DGKA: variants seen among roughly 807,000 people sequenced by gnomAD.
The protein encoded by DGKA is diacylglycerol kinase alpha, also known as 80 kDa diacylglycerol kinase.
Under a neutral mutation model 105.0 loss-of-function variants are expected in DGKA, and 35 were observed. That is an observed-to-expected ratio of 0.33 (90% CI 0.25 to 0.44). The LOEUF is 0.44. Ranked by LOEUF, DGKA falls within the 20% of genes least tolerant of loss-of-function variation. DGKA has a pLI of 1.00. For missense variants in DGKA, 665 were observed against 915.0 expected (o/e 0.73, Z 3.53); for synonymous variants, 296 against 332.0 (o/e 0.89, Z 1.18).
intron 17 of DGKA, 38 bp from the exon 18 acceptor site, chr12:55,951,585 C>G: frequency 6.3e-7 from 1 of 1,595,446 alleles, no homozygotes; most frequent in Non-Finnish European, 8.5e-7. Flanking sequence ...CTCTCTGGGA[C>G]CCAGAGCTCA....
Position 55,953,887 on chromosome 12 carries a change from C to T in DGKA, c.*119C>T. On this transcript the variant is annotated 3_prime_UTR_variant, in exon 24 of 24. Coordinates refer to ENST00000331886, the MANE Select transcript of DGKA (RefSeq NM_001345.5). ...CTGCCAGCTTGGGGGAGTGTTCCTT[C>T]ACCCTCACAGTATTTATTATCCTGC... 1.2e-6 allele frequency: 1 copy of T among 858,488 alleles called. No individual in the cohort carries two copies. The highest frequency in any genetic ancestry group is 1.9e-6 in the Non-Finnish European group (1 of 532,984). 53.2% of individuals were successfully genotyped at this position (858,488 alleles called of 1,614,324 possible).
chr12:55,929,385 G>C (rs1883265700), upstream of DGKA: 1 of 152,224 alleles, frequency 6.6e-6, no homozygotes, highest in Admixed American at 6.5e-5. Flanking sequence ...AGCTTTCAGA[G>C]GCTGCTCAAT....
At chr12:55,938,850 G>A (rs1885309747) in intron 6 of DGKA, 65 bp from the exon 7 acceptor site, 1 of 1,602,356 alleles carries the variant, frequency 6.2e-7, no homozygotes, top group Non-Finnish European at 8.5e-7. Context: ...ACTGATTTCT[G>A]GAAAAGAGTT....
chr12:55,927,749 C>G (rs1266637800), upstream of DGKA: 9 of 1,539,490 alleles, frequency 5.8e-6, no homozygotes, highest in Admixed American at 9.8e-5. Flanking sequence ...GCAGGGCTGC[C>G]GGCAGCTTCC....
Position 55,952,935 on chromosome 12 carries a change from G to A in DGKA, c.1942+3G>A, listed in dbSNP as rs1592754667. 6.2e-7 allele frequency: 1 copy of A among 1,614,178 alleles called. No individual in the cohort carries two copies. The highest frequency in any genetic ancestry group is 8.5e-7 in the Non-Finnish European group (1 of 1,180,030). ...TATCCTGAAAACCTGTGTACCAGGT[G>A]AGAGGAGCAGCCTTGGGAGCTGAGT... On this transcript the variant is annotated splice_donor_region_variant and intron_variant, in intron 21 of 23. Coordinates refer to ENST00000331886, the MANE Select transcript of DGKA (RefSeq NM_001345.5). The surrounding 1 kb of genome is among the most constrained non-coding windows in gnomAD (Gnocchi z 5.1).
upstream of DGKA, chr12:55,927,858 C>A: frequency 1.4e-6 from 2 of 1,461,414 alleles, no homozygotes; most frequent in Non-Finnish European, 1.8e-6. Flanking sequence ...TGATGAGGGC[C>A]CTAGTTGCTT....
chr12:55,948,838 A>T (rs909020063), intron 17 of DGKA, among the ~76,000 whole-genome samples: 1 of 152,204 alleles, frequency 6.6e-6, no homozygotes, highest in African/African-American at 2.4e-5. Context: ...CCTGGCTAAC[A>T]TGGTGAAACC....
chr12:55,932,295 G>A lies in DGKA; in HGVS notation c.-82+951G>A. On this transcript the variant is annotated intron_variant, in intron 1 of 23. Transcript: ENST00000331886. This position sits in a 1 kb window ranked among gnomAD's most constrained non-coding sequence, Gnocchi z 4.3. Reference sequence around the variant, plus strand: ...CTGCGCTGGGACGCGGGGGTGCAGCGGGAGGGCTGGGCCCGAACCCGGTGG... The same window carrying A: ...CTGCGCTGGGACGCGGGGGTGCAGCAGGAGGGCTGGGCCCGAACCCGGTGG... The A allele has an allele frequency of 1.9e-6, 1 of 536,686 alleles. No homozygotes were observed. Among genetic ancestry groups the A allele is most frequent in the Admixed American group, 3.2e-5 (1 of 31,146 alleles). 33.2% of individuals were successfully genotyped at this position (536,686 alleles called of 1,614,324 possible).
At chr12:55,939,671 T>A in intron 9 of DGKA, 142 bp downstream of exon 9, 2 of 753,294 alleles carry the variant, frequency 2.7e-6, no homozygotes, top group Non-Finnish European at 2.2e-6. Flanking sequence ...GAAAGCCACA[T>A]CACTTCTTTA....
At chr12:55,938,311 T>C (rs1232862868) in intron 5 of DGKA, 200 bp from the exon 6 acceptor site, 2 of 733,508 alleles carry the variant, frequency 2.7e-6, no homozygotes, top group East Asian at 5.2e-5. Context: ...GATTATGTAT[T>C]GTCTCCCCTG....
intron 6 of DGKA, 38 bp from the exon 7 acceptor site, chr12:55,938,877 A>C: frequency 6.2e-7 from 1 of 1,612,484 alleles, no homozygotes; most frequent in Non-Finnish European, 8.5e-7. Context: ...GTGGTAGTAA[A>C]GGGGATATGG....
chr12:55,934,250 C>A (rs542427367), intron 1 of DGKA, among the ~76,000 whole-genome samples: 1 of 152,292 alleles, frequency 6.6e-6, no homozygotes, highest in South Asian at 2.1e-4. Flanking sequence ...CCCTCAGATT[C>A]CATTTCCTAG....
At chr12:55,927,761 T>C, upstream of DGKA, 4 of 1,539,284 alleles carry the variant, frequency 2.6e-6, no homozygotes, top group East Asian at 2.4e-5. Flanking sequence ...GCAGCTTCCA[T>C]GGCCGAAGAG....
At chr12:55,951,809 A>C in intron 18 of DGKA, 26 bp downstream of exon 18, 1 of 1,607,226 alleles carries the variant, frequency 6.2e-7, no homozygotes, top group Non-Finnish European at 8.5e-7. Context: ...CCTGGGGAGA[A>C]GGGAGAAAGG....
chr12:55,952,538 C>G lies in DGKA; in HGVS notation c.1743+107C>G. On this transcript the variant is annotated intron_variant, in intron 20 of 23. Transcript: ENST00000331886. This position sits in a 1 kb window ranked among gnomAD's most constrained non-coding sequence, Gnocchi z 5.1. ...TTCCCATATTCTTGAACCTATGCTT[C>G]TTTAACCTCCCAGCTCTCCTACCCC... 1 of 1,278,944 alleles carries G rather than the reference C, an allele frequency of 7.8e-7. No homozygotes were observed. The highest frequency in any genetic ancestry group is 1.2e-5 in the South Asian group (1 of 80,604). The allele number at this position is 1,278,944 out of a possible 1,614,324, so 79.2% of individuals were successfully genotyped here. A position where few individuals can be genotyped will look rare whatever the true frequency, so the allele number is the denominator to read the frequency against.
chr12:55,947,089 G>A (rs1367681517), intron 17 of DGKA, among the ~76,000 whole-genome samples: 2 of 150,432 alleles, frequency 1.3e-5, no homozygotes, highest in African/African-American at 2.5e-5. Flanking sequence ...GGGTTCAAGC[G>A]ATTCTCCTGC....
rs1555183524 is a variant in DGKA at position 55,932,711 on chromosome 12, A to ACG, written c.-82+1368_-82+1369insGC. ...ACCCTCTACACACACACACACACGCACACACACACACACACACACACACAC... is the reference window on the plus strand; with the variant it reads ...ACCCTCTACACACACACACACACGCACGCACACACACACACACACACACACAC... On this transcript the variant is annotated intron_variant, in intron 1 of 23. Coordinates refer to ENST00000331886, the MANE Select transcript of DGKA (RefSeq NM_001345.5). This position sits in a 1 kb window ranked among gnomAD's most constrained non-coding sequence, Gnocchi z 4.3. The ACG allele has an allele frequency of 5.6e-4, 7 of 12,504 alleles. No homozygotes were observed. The highest frequency in any genetic ancestry group is 8.8e-4 in the Non-Finnish European group (5 of 5,666). The allele number at this position is 12,504 out of a possible 1,614,324, so 0.8% of individuals were successfully genotyped here.
chr12:55,927,398 G>C (rs777198150), upstream of DGKA: 1 of 713,940 alleles, frequency 1.4e-6, no homozygotes, highest in East Asian at 2.7e-5. Context: ...CTCATCCCCA[G>C]GAACTCCTCG....
At position 55,936,495 on chromosome 12, in the gene DGKA, A is replaced by C; in HGVS notation, c.-9A>C. 4.3e-6 allele frequency: 7 copies of C among 1,613,820 alleles called. No individual in the cohort carries two copies. Among genetic ancestry groups the C allele is most frequent in the Non-Finnish European group, 5.9e-6 (7 of 1,179,754 alleles). On this transcript the variant is annotated 5_prime_UTR_variant, in exon 2 of 24. Transcript: ENST00000331886. Reference sequence around the variant, plus strand: ...TGCCTTTCTGGCCATCCTTGAGAAAAATAGACAGATGGCCAAGGAGAGGGG... The same window carrying C: ...TGCCTTTCTGGCCATCCTTGAGAAACATAGACAGATGGCCAAGGAGAGGGG...
Sources: gnomAD v4.1 joint callset for allele counts (sites outside exome capture counted in the v4.1 genomes callset) on GRCh38, gnomAD v4.1.1 for gene constraint, Gnocchi (gnomAD v3.1) non-coding constraint, MANE v1.5 for transcripts, NCBI Gene and HGNC (gene_info 2026-07-23, HGNC 2026-07-21) for gene names.